THUMPD2: variants seen among roughly 807,000 people sequenced by gnomAD.
THUMPD2 encodes the protein U6 snRNA (guanine-N(2))-methyltransferase THUMPD2.
THUMPD2 carries 56 observed loss-of-function variants against 49.4 expected under a neutral mutation model. That is an observed-to-expected ratio of 1.13 (90% CI 0.91 to 1.41). The LOEUF is 1.41. THUMPD2 is among the 40% of genes most tolerant of loss of function. The pLI is 0.00. For synonymous variants in THUMPD2, 237 were observed against 205.2 expected (o/e 1.15, Z -1.32); for missense variants, 709 against 594.5 (o/e 1.19, Z -2.00).
intron 8 of THUMPD2, among the ~76,000 whole-genome samples, chr2:39,746,007 T>A (rs1423291077): frequency 1.3e-5 from 2 of 152,194 alleles, no homozygotes; most frequent in African/African-American, 4.8e-5. Context: ...TAAAATGGAA[T>A]AAGATTATGT....
intron 6 of THUMPD2, among the ~76,000 whole-genome samples, chr2:39,756,167 AC>A (rs1676090364): frequency 6.6e-6 from 1 of 152,192 alleles, no homozygotes; most frequent in Middle Eastern, 3.4e-3. Flanking sequence ...GATGGGGATG[AC>A]CCAGTAGAAG....
At chr2:39,749,893 T>C (rs1245332611) in intron 8 of THUMPD2, among the ~76,000 whole-genome samples, 1 of 152,230 alleles carries the variant, frequency 6.6e-6, no homozygotes, top group African/African-American at 2.4e-5. Flanking sequence ...GATAACAGCT[T>C]CAAGCACCAT....
intron 8 of THUMPD2, among the ~76,000 whole-genome samples, chr2:39,753,475 T>C (rs1675685796): frequency 6.6e-6 from 1 of 152,194 alleles, no homozygotes; most frequent in Non-Finnish European, 1.5e-5. Context: ...GGAGATCTCA[T>C]GAAACTAAAT....
chr2:39,762,045 A>G (rs1360411787), intron 5 of THUMPD2, among the ~76,000 whole-genome samples: 1 of 152,196 alleles, frequency 6.6e-6, no homozygotes, highest in South Asian at 2.1e-4. Flanking sequence ...CCACTATCAC[A>G]TCAATGTTTC....
chr2:39,737,715 C>A (rs539513241), intron 9 of THUMPD2, among the ~76,000 whole-genome samples: 1 of 152,156 alleles, frequency 6.6e-6, no homozygotes, highest in South Asian at 2.1e-4. Flanking sequence ...GAGCATGGGA[C>A]AGAGGAGAGA....
intron 8 of THUMPD2, among the ~76,000 whole-genome samples, chr2:39,752,344 G>T (rs1445280603): frequency 6.6e-6 from 1 of 152,152 alleles, no homozygotes; most frequent in East Asian, 1.9e-4. Flanking sequence ...AACGATGGTG[G>T]AGCTAGGATT....
At chr2:39,747,427 ATTAGTC>A (rs1175301926) in intron 8 of THUMPD2, among the ~76,000 whole-genome samples, 1 of 152,210 alleles carries the variant, frequency 6.6e-6, no homozygotes, top group African/African-American at 2.4e-5. Flanking sequence ...GTCCATAAAC[ATTAGTC>A]TTAAACACGC....
In THUMPD2 at chr2:39,768,471, T is replaced by C. The variant is rs1677851829; in HGVS notation, c.703A>G (p.Met235Val). The part of the protein sequence containing the change: ...EVGKVIGIAI[M>V]KHFGWKADLR... ...TCTGCTTTCCATCCAAAGTGTTTCATAATAGCAATTCCAATTACTTTTCCT... is the reference window on the plus strand; with the variant it reads ...TCTGCTTTCCATCCAAAGTGTTTCACAATAGCAATTCCAATTACTTTTCCT... The change falls in exon 4 of 10, where the codon ATG (methionine) becomes GTG (valine). Residue 235 changes from methionine to valine, a missense_variant. Transcript: ENST00000505747. The C allele has an allele frequency of 1.9e-6, 3 of 1,612,880 alleles. No individual in the cohort carries two copies. The highest frequency in any genetic ancestry group is 2.7e-5 in the African/African-American group (2 of 74,886).
Position 39,737,839 on chromosome 2 carries a change from C to T in THUMPD2, c.1188-780G>A, listed in dbSNP as rs1487195682. ...AGGGTGCTGGAAGCAGAAAAAGCAGCAAAGACGGGAGGAAGTGGAGAGGAG... is the reference window on the plus strand; with the variant it reads ...AGGGTGCTGGAAGCAGAAAAAGCAGTAAAGACGGGAGGAAGTGGAGAGGAG... On this transcript the variant is annotated intron_variant, in intron 9 of 9. Coordinates refer to ENST00000505747, the MANE Select transcript of THUMPD2 (RefSeq NM_025264.5). Among the ~76,000 whole-genome samples the T allele has an allele frequency of 3.9e-5, 6 of 152,182 alleles. No homozygotes were observed. The South Asian group carries it at 1.2e-3, about 32-fold the overall frequency.
intron 8 of THUMPD2, among the ~76,000 whole-genome samples, chr2:39,751,283 G>C (rs1409982002): frequency 1.3e-5 from 2 of 152,250 alleles, no homozygotes; most frequent in Non-Finnish European, 2.9e-5. Context: ...TTATTATGCG[G>C]TGCTTATGGG....
At chr2:39,747,023 C>A (rs554631007) in intron 8 of THUMPD2, among the ~76,000 whole-genome samples, 2 of 152,170 alleles carry the variant, frequency 1.3e-5, no homozygotes, top group Non-Finnish European at 2.9e-5. Flanking sequence ...TTCTCCATTT[C>A]TCAGCCAATT....
chr2:39,745,489 G>A (rs1261972394), intron 8 of THUMPD2, among the ~76,000 whole-genome samples: 4 of 152,148 alleles, frequency 2.6e-5, no homozygotes, highest in Non-Finnish European at 5.9e-5. Flanking sequence ...TTAGGGTGTT[G>A]ATATAGTACA....
intron 9 of THUMPD2, among the ~76,000 whole-genome samples, chr2:39,740,869 C>G (rs1316097328): frequency 6.6e-6 from 1 of 151,534 alleles, no homozygotes; most frequent in Non-Finnish European, 1.5e-5. Flanking sequence ...CCACACCTGG[C>G]TAATTTTTAA....
chr2:39,769,044 C>T (rs748322099), intron 3 of THUMPD2: 3 of 1,304,490 alleles, frequency 2.3e-6, no homozygotes, highest in Non-Finnish European at 3.0e-6. Context: ...TTGCTGAGAC[C>T]TCATGTGCAT....
Position 39,775,540 on chromosome 2 carries a change from C to T in THUMPD2, c.126+3574G>A, listed in dbSNP as rs561593523. 5.9e-4 allele frequency among the ~76,000 whole-genome samples: 89 copies of T among 152,046 alleles called. 1 individual carries two copies. The highest frequency in any genetic ancestry group is 1.9e-3 in the African/African-American group (78 of 41,482). ...ATCCCAGCACTTTGAGAGGCCAAGG[C>T]GGGTGGATCACTTGAAATCAGGAGT... On this transcript the variant is annotated intron_variant, in intron 1 of 9. Transcript: ENST00000505747.
intron 6 of THUMPD2, chr2:39,757,209 T>C (rs1039344017): frequency 2.5e-6 from 1 of 405,846 alleles, no homozygotes; most frequent in Non-Finnish European, 4.9e-6. Flanking sequence ...GAGAAAACAA[T>C]TGTCTAGAAG....
intron 1 of THUMPD2, among the ~76,000 whole-genome samples, chr2:39,773,874 G>T (rs10174709): frequency 0.55 from 83,529 of 151,972 alleles, 23,426 homozygotes; most frequent in East Asian, 0.76. Flanking sequence ...TACATTTCTT[G>T]TAGAATAAGC....
chr2:39,778,393 T>C (rs1310232977), intron 1 of THUMPD2, among the ~76,000 whole-genome samples: 3 of 152,234 alleles, frequency 2.0e-5, no homozygotes, highest in African/African-American at 7.2e-5. Flanking sequence ...TCCCACACTG[T>C]AGGAGCTGCC....
At chr2:39,738,776 C>T (rs1673502812) in intron 9 of THUMPD2, among the ~76,000 whole-genome samples, 1 of 151,682 alleles carries the variant, frequency 6.6e-6, no homozygotes. Flanking sequence ...AACCCAGGGA[C>T]AGCAATCCTA....
Sources: allele counts gnomAD v4.1 joint callset (sites outside exome capture counted in the v4.1 genomes callset), GRCh38; gene constraint gnomAD v4.1.1; transcripts MANE v1.5; gene names NCBI Gene and HGNC (gene_info 2026-07-23, HGNC 2026-07-21).